The following OPA1 variants were observed in gnomAD, a reference collection of about 807,000 sequenced individuals.
The protein encoded by OPA1 is dynamin-like GTPase OPA1, mitochondrial.
A neutral mutation model predicts 152.9 loss-of-function variants in OPA1; 59 were observed. That is an observed-to-expected ratio of 0.39 (90% confidence interval 0.31 to 0.48). The LOEUF (loss-of-function observed/expected upper bound fraction) is 0.48, where lower values mean the gene tolerates loss of function less well. Ranked by LOEUF, OPA1 falls within the 20% of genes least tolerant of loss-of-function variation. OPA1 has a pLI of 0.96. For synonymous variants in OPA1, 400 were observed against 389.9 expected, an observed-to-expected ratio of 1.03 and a Z score of -0.31; for missense variants, 1,008 against 1,216.8, an observed-to-expected ratio of 0.83 and a Z score of 2.55.
At chr3:193,663,891 T>C (rs184985652) in intron 26 of OPA1, among the ~76,000 whole-genome samples, 173 of 152,268 alleles carry the variant, frequency 1.1e-3, no homozygotes, top group African/African-American at 3.9e-3. Flanking sequence ...TTGAGTTGAA[T>C]GTGGATTTAG....
Position 193,692,106 on chromosome 3 carries a change from A to C in OPA1, c.3027A>C (p.Glu1009Asp), listed in dbSNP as rs189036094. ...AAGAAAAACTTGATGCTTTCATTGA[A>C]GCTCTTCATCAGGAGAAATAAATTA... is the stretch of plus-strand genomic sequence containing the variant. ...EIQEKLDAFIEALHQEK is the reference protein window; with the variant it reads ...EIQEKLDAFIDALHQEK Residue 1009 changes from glutamate to aspartate, a missense_variant, in exon 30 of 31, where the codon GAA becomes GAC. Glu to Asp is a conservative substitution (Grantham distance 45). Around this residue, in one of 7 missense-constraint regions of OPA1, gnomAD observed 137 missense variants for 171.0 expected, o/e 0.80. Coordinates refer to ENST00000361510, the MANE Select transcript of OPA1 (RefSeq NM_130837.3). 3.5e-5 allele frequency: 55 copies of C among 1,550,338 alleles called. No homozygotes were observed. The Admixed American group carries it at 7.0e-4, about 20-fold the overall frequency.
Position 193,615,012 on chromosome 3 carries a change from G to A in OPA1, c.322G>A (p.Ala108Thr), listed in dbSNP as rs1323248886. 2 of 1,614,042 alleles carry A rather than the reference G, an allele frequency of 1.2e-6. No homozygotes were observed. Among genetic ancestry groups the A allele is most frequent in the East Asian group, 2.2e-5 (1 of 44,896 alleles). Residue 108 changes from alanine (A) to threonine (T), a missense_variant, in exon 2 of 31, where the codon GCT becomes ACT. Ala to Thr is a moderately conservative substitution (Grantham distance 58). This residue lies in a region of OPA1 where 408 missense variants were observed against 395.1 expected (regional missense o/e 1.03). Coordinates refer to ENST00000361510, the MANE Select transcript of OPA1 (RefSeq NM_130837.3). ...ACTTCGCTATCTCATACTAGGATCG[G>A]CTGTTGGGGGTGGCTACACAGCCAA... is the stretch of plus-strand genomic sequence containing the variant. Reference protein sequence around the residue: ...LKLRYLILGSAVGGGYTAKKT... With the variant: ...LKLRYLILGSTVGGGYTAKKT...
intron 29 of OPA1, among the ~76,000 whole-genome samples, chr3:193,672,868 CAA>C (rs10713785): frequency 6.3e-4 from 67 of 106,054 alleles, no homozygotes; most frequent in Non-Finnish European, 8.3e-4. Flanking sequence ...GACTCCATCT[CAA>C]AAAAAAAAAA....
At chr3:193,618,969 G>A (rs1386783887) in intron 6 of OPA1, 33 bp downstream of exon 6, 1 of 1,537,830 alleles carries the variant, frequency 6.5e-7, no homozygotes, top group East Asian at 2.2e-5. Flanking sequence ...CATGTAGGTA[G>A]TCTTGAAAGA....
chr3:193,648,296 G>A (rs574291766), intron 20 of OPA1, 162 bp downstream of exon 20: 27 of 576,090 alleles, frequency 4.7e-5, no homozygotes, highest in African/African-American at 7.5e-5. Context: ...ATCTCTTTCA[G>A]TAATTTAAAT....
At chr3:193,670,808 A>G (rs973895279) in intron 29 of OPA1, among the ~76,000 whole-genome samples, 3 of 152,206 alleles carry the variant, frequency 2.0e-5, no homozygotes, top group African/African-American at 4.8e-5. Context: ...AGGAGCTCAC[A>G]TGATTTTGTC....
chr3:193,660,482 A>G (rs796817688), intron 25 of OPA1, among the ~76,000 whole-genome samples: 11 of 152,340 alleles, frequency 7.2e-5, no homozygotes, highest in African/African-American at 2.6e-4. Context: ...GGAAAAATAG[A>G]GGAGACAAAG....
chr3:193,615,856 AC>A, intron 3 of OPA1, 86 bp downstream of exon 3: 7 of 818,956 alleles, frequency 8.5e-6, no homozygotes, highest in Non-Finnish European at 1.3e-5. Context: ...TAACTTATGA[AC>A]CTAATATATC....
chr3:193,651,878 T>C (rs1712553053), intron 21 of OPA1, among the ~76,000 whole-genome samples: 1 of 151,276 alleles, frequency 6.6e-6, no homozygotes, highest in South Asian at 2.1e-4. Context: ...GAAATTATTA[T>C]ATGGAGTATA....
chr3:193,692,399 A>G (rs1387670676), intron 30 of OPA1, among the ~76,000 whole-genome samples: 1 of 152,230 alleles, frequency 6.6e-6, no homozygotes, highest in Admixed American at 6.5e-5. Context: ...ATTGTATAAT[A>G]TGCAGGTGAC....
In OPA1 at chr3:193,693,794, AGT is replaced by A. The variant is rs555543082; in HGVS notation, c.*6-809_*6-808del. On this transcript the variant is annotated intron_variant, in intron 30 of 30. Coordinates refer to ENST00000361510, the MANE Select transcript of OPA1 (RefSeq NM_130837.3). The stretch of plus-strand genomic sequence containing the variant: ...TGAATATTTTATTTTAAAACCATTA[AGT>A]GTTACAATATCACCCTAATCATGGT... 2.2e-3 allele frequency among the ~76,000 whole-genome samples: 340 copies of A among 152,314 alleles called. 5 individuals carry two copies. Among genetic ancestry groups the A allele is most frequent in the East Asian group, 3.9e-3 (20 of 5,194 alleles).
chr3:193,612,268 CTTTTTTTTTT>C (rs34283831), intron 1 of OPA1, among the ~76,000 whole-genome samples: 7 of 116,364 alleles, frequency 6.0e-5, no homozygotes, highest in African/African-American at 1.3e-4. Flanking sequence ...GTCTAACTTC[CTTTTTTTTTT>C]TTTTTTTTTT....
At chr3:193,599,448 G>A (rs1315034966) in intron 1 of OPA1, among the ~76,000 whole-genome samples, 1 of 109,244 alleles carries the variant, frequency 9.2e-6, no homozygotes, top group East Asian at 2.5e-4. Flanking sequence ...TTCTTTTTTT[G>A]TTTTATTTAT....
At chr3:193,648,616 C>T (rs1711620539) in intron 20 of OPA1, 179 bp from the exon 21 acceptor site, 5 of 552,000 alleles carry the variant, frequency 9.1e-6, no homozygotes, top group Middle Eastern at 4.0e-4. Context: ...TTTCTTTGTC[C>T]TTATCTGCAT....
At chr3:193,643,898 G>A in intron 15 of OPA1, 77 bp from the exon 16 acceptor site, 3 of 1,403,136 alleles carry the variant, frequency 2.1e-6, no homozygotes, top group Non-Finnish European at 3.0e-6. Flanking sequence ...TAGACACAGG[G>A]GTATAATTTG....
intron 22 of OPA1, among the ~76,000 whole-genome samples, chr3:193,655,984 C>A (rs1223583049): frequency 6.6e-6 from 1 of 152,158 alleles, no homozygotes; most frequent in Admixed American, 6.5e-5. Flanking sequence ...TATCTCTGTT[C>A]TCAATTTCTT....
intron 28 of OPA1, among the ~76,000 whole-genome samples, chr3:193,666,875 T>G (rs1480694613): frequency 6.6e-6 from 1 of 152,198 alleles, no homozygotes; most frequent in Non-Finnish European, 1.5e-5. Context: ...ACCAGGAGTT[T>G]ATTTTCATTG....
chr3:193,671,108 G>A (rs1039494545), intron 29 of OPA1, among the ~76,000 whole-genome samples: 3 of 152,128 alleles, frequency 2.0e-5, no homozygotes, highest in Non-Finnish European at 4.4e-5. Context: ...TGCAAAAAGG[G>A]ATGTTTATGT....
chr3:193,652,394 C>CA (rs79320293), intron 21 of OPA1, among the ~76,000 whole-genome samples: 5,042 of 138,314 alleles, frequency 0.036, 71 homozygotes, highest in African/African-American at 0.043. Context: ...AACAAACAAA[C>CA]AAAAAAAAAA....
Sources: allele counts gnomAD v4.1 joint callset (sites outside exome capture counted in the v4.1 genomes callset), GRCh38; gene constraint gnomAD v4.1.1; regional missense constraint gnomAD v4.1.1; transcripts MANE v1.5; gene names NCBI Gene and HGNC (gene_info 2026-07-23, HGNC 2026-07-21).